The following STAC variants were observed in gnomAD, a reference collection of about 807,000 sequenced individuals.
The protein encoded by STAC is SH3 and cysteine rich domain, also known as SH3 and cysteine-rich domain-containing protein.
A neutral mutation model predicts 48.8 loss-of-function variants in STAC; 43 were observed. The observed-to-expected ratio is 0.88, with a 90% CI of 0.69 to 1.14. STAC has a LOEUF of 1.14. Ranked by LOEUF, STAC falls within the 50% of genes most tolerant of loss-of-function variation. The pLI, the probability that STAC is intolerant of heterozygous loss-of-function variation, is 0.00. For missense variants in STAC, 497 were observed against 504.0 expected (o/e 0.99, Z 0.13); for synonymous variants, 193 against 179.5 (o/e 1.07, Z -0.60).
At chr3:36,393,524 T>C (rs970971448) in intron 1 of STAC, among the ~76,000 whole-genome samples, 6 of 151,916 alleles carry the variant, frequency 3.9e-5, no homozygotes, top group Non-Finnish European at 8.8e-5. Flanking sequence ...GGGCTGAATA[T>C]GTGTGCCCTC....
chr3:36,512,256 A>C lies in STAC; in HGVS notation c.920+6422A>C, dbSNP rs143320820. ...GAGGAGGAGACGGGCTTTATCAAGTAAAGCCGTGTTCTGTTACAGACATGA... is the reference window on the plus strand; with the variant it reads ...GAGGAGGAGACGGGCTTTATCAAGTCAAGCCGTGTTCTGTTACAGACATGA... On this transcript the variant is annotated intron_variant, in intron 8 of 10. Transcript: ENST00000273183. Among the ~76,000 whole-genome samples the C allele has an allele frequency of 2.0e-4, 31 of 152,304 alleles. No individual in the cohort carries two copies. The East Asian group carries it at 5.6e-3, about 28-fold the overall frequency.
chr3:36,503,584 C>A (rs1441347774), intron 6 of STAC, among the ~76,000 whole-genome samples: 1 of 152,138 alleles, frequency 6.6e-6, no homozygotes, highest in East Asian at 1.9e-4. Context: ...CAGGCACATG[C>A]CACCATGCTC....
chr3:36,465,858 T>C (rs1697154977), intron 2 of STAC, among the ~76,000 whole-genome samples: 1 of 152,140 alleles, frequency 6.6e-6, no homozygotes, highest in African/African-American at 2.4e-5. Context: ...GCTGATTAGA[T>C]TGTGCCCACC....
intron 10 of STAC, among the ~76,000 whole-genome samples, chr3:36,543,619 G>T (rs964590524): frequency 6.6e-6 from 1 of 152,124 alleles, no homozygotes; most frequent in African/African-American, 2.4e-5. Flanking sequence ...AAAAGCAAAG[G>T]TCTATCTTAT....
chr3:36,542,206 T>C (rs1699345659), intron 10 of STAC, among the ~76,000 whole-genome samples: 1 of 152,198 alleles, frequency 6.6e-6, no homozygotes, highest in Non-Finnish European at 1.5e-5. Context: ...TGTTTGCCCT[T>C]TTCCCATGCT....
At chr3:36,382,226 A>C (rs1699525911) in intron 1 of STAC, among the ~76,000 whole-genome samples, 1 of 152,236 alleles carries the variant, frequency 6.6e-6, no homozygotes, top group Admixed American at 6.5e-5. Context: ...ATTTTAGAGG[A>C]AAGCTAGAAT....
intron 1 of STAC, among the ~76,000 whole-genome samples, chr3:36,407,083 G>A (rs1460752468): frequency 2.6e-5 from 4 of 152,274 alleles, no homozygotes; most frequent in Admixed American, 6.5e-5. Context: ...ATGGAAAAGC[G>A]TATGTAGACT....
chr3:36,497,365 A>T (rs976234668), intron 6 of STAC, among the ~76,000 whole-genome samples: 9 of 151,640 alleles, frequency 5.9e-5, no homozygotes, highest in Non-Finnish European at 1.3e-4. Flanking sequence ...GAATTGTTCT[A>T]AAAAAAATTC....
intron 2 of STAC, among the ~76,000 whole-genome samples, chr3:36,464,822 G>A (rs1256817050): frequency 6.6e-6 from 1 of 151,460 alleles, no homozygotes. Flanking sequence ...GTGTGTGTGT[G>A]TGTGTGTATT....
At position 36,432,053 on chromosome 3, in the gene STAC, G is replaced by A. The variant is rs369149149; in HGVS notation, c.112-11311G>A. 2.4e-3 allele frequency among the ~76,000 whole-genome samples: 369 copies of A among 152,320 alleles called. 2 individuals carry two copies. The Middle Eastern group carries it at 0.038, about 16-fold the overall frequency. On this transcript the variant is annotated intron_variant, in intron 1 of 10. Transcript: ENST00000273183. Reference sequence around the variant, plus strand: ...CTCTGAAGGTGATAACAATCATCCTGTATTGTTACAGCGGCATCCACATGC... The same window carrying A: ...CTCTGAAGGTGATAACAATCATCCTATATTGTTACAGCGGCATCCACATGC...
intron 1 of STAC, among the ~76,000 whole-genome samples, chr3:36,387,316 G>T (rs1699639582): frequency 6.6e-6 from 1 of 151,874 alleles, no homozygotes. Flanking sequence ...CTTGACTGTG[G>T]TAAAATATGC....
At chr3:36,459,415 T>C (rs2125682339) in intron 2 of STAC, 1 of 152,344 alleles carries the variant, frequency 6.6e-6, no homozygotes, top group African/African-American at 2.4e-5. Flanking sequence ...AATGACTCTC[T>C]ACCAAACTAT....
intron 1 of STAC, among the ~76,000 whole-genome samples, chr3:36,413,156 T>C (rs1700235823): frequency 6.6e-6 from 1 of 152,236 alleles, no homozygotes; most frequent in African/African-American, 2.4e-5. Flanking sequence ...ATTCTGTTGA[T>C]TTGGGGTGGA....
intron 1 of STAC, among the ~76,000 whole-genome samples, chr3:36,400,125 C>T (rs1255148589): frequency 2.0e-5 from 3 of 152,190 alleles, no homozygotes; most frequent in East Asian, 3.8e-4. Context: ...TCATCCCCTG[C>T]GAGTTTCTCA....
chr3:36,417,709 A>T (rs1353795199), intron 1 of STAC, among the ~76,000 whole-genome samples: 1 of 152,206 alleles, frequency 6.6e-6, no homozygotes, highest in Admixed American at 6.5e-5. Flanking sequence ...CCAGCAAGGG[A>T]ATAGTATAGG....
Position 36,443,221 on chromosome 3 carries a change from C to A in STAC, c.112-143C>A. On this transcript the variant is annotated intron_variant, in intron 1 of 10. Transcript: ENST00000273183. The surrounding 1 kb of genome is among the most constrained non-coding windows in gnomAD (Gnocchi z 4.2). ...TTACTAGGCACTGCCATCACCCCAC[C>A]CACACAGGGACATTTATGAGCCTCC... The A allele has an allele frequency of 2.1e-6, 2 of 961,356 alleles. No homozygotes were observed. 59.6% of individuals were successfully genotyped at this position (961,356 alleles called of 1,614,324 possible).
chr3:36,424,414 CAGAT>C (rs1374758039), intron 1 of STAC, among the ~76,000 whole-genome samples: 1 of 152,102 alleles, frequency 6.6e-6, no homozygotes, highest in Non-Finnish European at 1.5e-5. Context: ...AATATTTCTA[CAGAT>C]AGATTGATAT....
intron 6 of STAC, among the ~76,000 whole-genome samples, chr3:36,499,994 C>T (rs542460490): frequency 8.9e-4 from 135 of 152,206 alleles, no homozygotes; most frequent in African/African-American, 3.1e-3. Flanking sequence ...TCTAAACTTG[C>T]ATATACCTGA....
intron 10 of STAC, among the ~76,000 whole-genome samples, chr3:36,533,502 T>TC (rs1699123303): frequency 1.4e-5 from 1 of 72,222 alleles, no homozygotes; most frequent in Non-Finnish European, 2.7e-5. Flanking sequence ...TTTTTTTTTT[T>TC]CAGAATAATC....
Sources: allele counts gnomAD v4.1 joint callset (sites outside exome capture counted in the v4.1 genomes callset), GRCh38; gene constraint gnomAD v4.1.1; non-coding constraint Gnocchi (gnomAD v3.1); transcripts MANE v1.5; gene names NCBI Gene and HGNC (gene_info 2026-07-23, HGNC 2026-07-21).